The following EPHA4 variants were observed in gnomAD, a reference collection of about 807,000 sequenced individuals.
EPHA4 encodes ephrin type-A receptor 4.
Under a neutral mutation model 108.3 loss-of-function variants are expected in EPHA4, and 19 were observed. That is an observed-to-expected ratio of 0.18 (90% CI 0.12 to 0.26). The LOEUF is 0.26. Ranked by LOEUF, EPHA4 falls within the 10% of genes least tolerant of loss-of-function variation. The pLI, the probability that EPHA4 is intolerant of heterozygous loss-of-function variation, is 1.00. For synonymous variants in EPHA4, 449 were observed against 455.5 expected, an observed-to-expected ratio of 0.99 and a Z score of 0.18; for missense variants, 917 against 1,254.0, an observed-to-expected ratio of 0.73 and a Z score of 4.06.
intron 8 of EPHA4, among the ~76,000 whole-genome samples, chr2:221,451,566 A>T (rs1233304749): frequency 6.6e-6 from 1 of 152,222 alleles, no homozygotes; most frequent in East Asian, 1.9e-4. Flanking sequence ...GGTTTGAAAT[A>T]AAATTTATAG....
chr2:221,546,814 T>A (rs906977246), intron 3 of EPHA4, among the ~76,000 whole-genome samples: 37 of 152,318 alleles, frequency 2.4e-4, no homozygotes, highest in Non-Finnish European at 1.3e-4. Context: ...TGGGCAAACA[T>A]CGTGTTTCAT....
At chr2:221,566,956 G>GAGAAGA (rs1491340819) in intron 2 of EPHA4, among the ~76,000 whole-genome samples, 1 of 6,488 alleles carries the variant, frequency 1.5e-4, no homozygotes, top group Admixed American at 2.1e-3. Flanking sequence ...GAAGGAGAAG[G>GAGAAGA]GGAAGAGGAA....
At chr2:221,519,629 T>C (rs1468900295) in intron 3 of EPHA4, among the ~76,000 whole-genome samples, 1 of 152,194 alleles carries the variant, frequency 6.6e-6, no homozygotes, top group Non-Finnish European at 1.5e-5. Flanking sequence ...AAAACCGCAA[T>C]TACCTTTGCA....
At chr2:221,476,909 A>T (rs1371670293) in intron 5 of EPHA4, among the ~76,000 whole-genome samples, 1 of 152,210 alleles carries the variant, frequency 6.6e-6, no homozygotes, top group Non-Finnish European at 1.5e-5. Context: ...TGGTTTTATT[A>T]AATTTATCAT....
intron 3 of EPHA4, among the ~76,000 whole-genome samples, chr2:221,529,344 A>C (rs1334156014): frequency 6.6e-6 from 1 of 152,160 alleles, no homozygotes; most frequent in Non-Finnish European, 1.5e-5. Flanking sequence ...CCATTCACAA[A>C]GCACAGGAGG....
intron 14 of EPHA4, among the ~76,000 whole-genome samples, chr2:221,431,432 C>T (rs76844875): frequency 0.027 from 4,142 of 152,132 alleles, 204 homozygotes; most frequent in African/African-American, 0.095. Context: ...ATAAGAGCAC[C>T]GTTTCAGTTT....
intron 5 of EPHA4, among the ~76,000 whole-genome samples, chr2:221,477,619 C>T (rs568563377): frequency 2.0e-5 from 3 of 152,274 alleles, no homozygotes; most frequent in Admixed American, 6.5e-5. Context: ...CCCCCCGCAA[C>T]GTAAATCCCT....
intron 3 of EPHA4, among the ~76,000 whole-genome samples, chr2:221,526,152 A>G (rs1693317854): frequency 6.6e-6 from 1 of 152,278 alleles, no homozygotes. Context: ...AAACTGGGGC[A>G]TATACAGTTA....
At chr2:221,479,521 T>C (rs895505457) in intron 5 of EPHA4, among the ~76,000 whole-genome samples, 2 of 152,220 alleles carry the variant, frequency 1.3e-5, no homozygotes, top group African/African-American at 2.4e-5. Context: ...CACCATTGCC[T>C]ATAGTGGTCC....
At chr2:221,422,074 T>TAA (rs529717133) in intron 17 of EPHA4, 39 of 139,174 alleles carry the variant, frequency 2.8e-4, no homozygotes, top group Middle Eastern at 3.6e-3. Context: ...ACCCCATCTT[T>TAA]AAAAAAAAAA....
intron 4 of EPHA4, among the ~76,000 whole-genome samples, chr2:221,489,005 A>G (rs1692060628): frequency 6.6e-6 from 1 of 152,210 alleles, no homozygotes; most frequent in African/African-American, 2.4e-5. Flanking sequence ...GCCAGTATTT[A>G]CATATCCACA....
In EPHA4 at chr2:221,563,666, C is replaced by G. The variant is rs1299106849; in HGVS notation, c.823+65G>C. 5.8e-6 allele frequency: 9 copies of G among 1,555,608 alleles called. No individual in the cohort carries two copies. The Admixed American group carries it at 1.6e-4, about 27-fold the overall frequency. ...AATTACTGGCTTTACTCCATTTAGT[C>G]TCATCTCTGATTTAATTACTCGCAC... On this transcript the variant is annotated intron_variant, in intron 3 of 17. Transcript: ENST00000281821.
At chr2:221,471,456 A>G (rs1691486635) in intron 5 of EPHA4, among the ~76,000 whole-genome samples, 1 of 152,210 alleles carries the variant, frequency 6.6e-6, no homozygotes, top group Non-Finnish European at 1.5e-5. Flanking sequence ...TAAGAAAGAC[A>G]CTGGAGGAAA....
chr2:221,557,053 T>A lies in EPHA4; in HGVS notation c.823+6678A>T, dbSNP rs377662205. ...TCAGTTAGCTTCTGGAAAACTCCAC[T>A]GTTCACTCATGAGAGAATTAGAAAA... On this transcript the variant is annotated intron_variant, in intron 3 of 17. Transcript: ENST00000281821. Among the ~76,000 whole-genome samples, 7 of 152,326 alleles carry A rather than the reference T, an allele frequency of 4.6e-5. No individual in the cohort carries two copies. In the South Asian group the frequency reaches 1.4e-3, roughly 32 times the overall value.
At chr2:221,546,330 C>A (rs935902381) in intron 3 of EPHA4, among the ~76,000 whole-genome samples, 1 of 152,146 alleles carries the variant, frequency 6.6e-6, no homozygotes, top group Non-Finnish European at 1.5e-5. Flanking sequence ...ACTTTGCCTT[C>A]GGCTGCCCAT....
At chr2:221,527,922 C>T (rs1693386923) in intron 3 of EPHA4, among the ~76,000 whole-genome samples, 1 of 152,076 alleles carries the variant, frequency 6.6e-6, no homozygotes, top group Non-Finnish European at 1.5e-5. Context: ...TTTAATATTT[C>T]GCCAATTTCT....
chr2:221,526,491 C>CT (rs1693326224), intron 3 of EPHA4, among the ~76,000 whole-genome samples: 1 of 151,422 alleles, frequency 6.6e-6, no homozygotes, highest in Non-Finnish European at 1.5e-5. Context: ...ATACACGTCT[C>CT]AAAGGTCTCC....
chr2:221,477,046 TTTATTA>T (rs140420658), intron 5 of EPHA4, among the ~76,000 whole-genome samples: 69 of 148,950 alleles, frequency 4.6e-4, no homozygotes, highest in South Asian at 1.9e-3. Flanking sequence ...GCCACTTTAT[TTTATTA>T]TTATTATTAT....
intron 3 of EPHA4, among the ~76,000 whole-genome samples, chr2:221,543,558 G>A (rs10191992): frequency 2.6e-5 from 4 of 151,980 alleles, no homozygotes; most frequent in East Asian, 1.9e-4. Flanking sequence ...AAATAAGTTC[G>A]CTTCAACATG....
Sources: allele counts gnomAD v4.1 joint callset (sites outside exome capture counted in the v4.1 genomes callset), GRCh38; gene constraint gnomAD v4.1.1; transcripts MANE v1.5; gene names NCBI Gene and HGNC (gene_info 2026-07-23, HGNC 2026-07-21).